PROM1: variants seen among roughly 807,000 people sequenced by gnomAD.
PROM1 encodes the protein prominin-1.
In PROM1, 105 loss-of-function variants were observed where a neutral mutation model predicts 116.9. That is an observed-to-expected ratio of 0.90 (90% CI 0.77 to 1.06). The LOEUF is 1.06. Ranked by LOEUF, PROM1 falls within the 50% of genes least tolerant of loss-of-function variation. PROM1 has a pLI of 0.00. For synonymous variants in PROM1, 393 were observed against 387.0 expected (o/e 1.02, Z -0.18); for missense variants, 1,122 against 1,045.2 (o/e 1.07, Z -1.01).
rs1239221004 is a variant in PROM1 at position 16,018,474 on chromosome 4, C to T, written c.851G>A (p.Ser284Asn). 2.5e-6 allele frequency: 4 copies of T among 1,613,330 alleles called. No individual in the cohort carries two copies. Among genetic ancestry groups the T allele is most frequent in the African/African-American group, 2.7e-5 (2 of 75,036 alleles). Residue 284 changes from serine (S) to asparagine (N), a missense_variant, in exon 9 of 28, where the codon AGT becomes AAT. Coordinates refer to ENST00000447510, the MANE Select transcript of PROM1 (RefSeq NM_006017.3). ...GGTCAGACTGCTGCTAAGCTGTGTA[C>T]TTTGTTGGTGCAAGCTCTTCAAGGT... ...NSTLKSLHQQ[S>N]TQLSSSLTSV...
chr4:16,044,513 T>C (rs893720116), intron 2 of PROM1, among the ~76,000 whole-genome samples: 2 of 152,196 alleles, frequency 1.3e-5, no homozygotes, highest in African/African-American at 4.8e-5. Context: ...TCTTTTGCCT[T>C]TGGTGGCCCC....
At chr4:16,024,494 C>T in intron 6 of PROM1, 136 bp from the exon 7 acceptor site, 1 of 678,858 alleles carries the variant, frequency 1.5e-6, no homozygotes, top group Non-Finnish European at 2.4e-6. Flanking sequence ...AGAAACCTTT[C>T]TGCTTTCTGA....
At chr4:16,062,866 T>C (rs1055306770) in intron 2 of PROM1, among the ~76,000 whole-genome samples, 1 of 152,216 alleles carries the variant, frequency 6.6e-6, no homozygotes, top group Non-Finnish European at 1.5e-5. Context: ...GCCCGTGATA[T>C]AATGTTAAGT....
intron 15 of PROM1, among the ~76,000 whole-genome samples, chr4:15,997,788 G>T (rs200981922): frequency 2.0e-5 from 3 of 152,250 alleles, no homozygotes; most frequent in African/African-American, 7.2e-5. Flanking sequence ...TTAAGAACAG[G>T]TATTGTTTAT....
intron 2 of PROM1, among the ~76,000 whole-genome samples, chr4:16,057,491 TCAC>T (rs1297632337): frequency 1.3e-5 from 2 of 152,214 alleles, no homozygotes; most frequent in African/African-American, 4.8e-5. Context: ...AACAGTCACA[TCAC>T]CACCTTCTGG....
chr4:16,045,890 G>A (rs1299953245), intron 2 of PROM1, among the ~76,000 whole-genome samples: 1 of 152,162 alleles, frequency 6.6e-6, no homozygotes, highest in Non-Finnish European at 1.5e-5. Context: ...TACAAAGCTT[G>A]GAGAGTCATC....
intron 2 of PROM1, among the ~76,000 whole-genome samples, chr4:16,059,594 C>T (rs1424241765): frequency 6.6e-6 from 1 of 152,074 alleles, no homozygotes. Context: ...GTTCCAGCTA[C>T]TGGAGAGGCT....
chr4:16,010,440 A>C (rs1487977957), intron 11 of PROM1, among the ~76,000 whole-genome samples: 3 of 152,246 alleles, frequency 2.0e-5, no homozygotes, highest in African/African-American at 7.2e-5. Context: ...GCTCCCGGTG[A>C]ACTTCAGGTA....
intron 8 of PROM1, among the ~76,000 whole-genome samples, chr4:16,019,701 T>C (rs1235057983): frequency 2.6e-5 from 4 of 152,224 alleles, no homozygotes; most frequent in African/African-American, 7.2e-5. Flanking sequence ...GCTCTTCTTC[T>C]AAGCAAATAA....
chr4:15,982,503 G>A (rs1235975940), intron 23 of PROM1, among the ~76,000 whole-genome samples: 1 of 152,140 alleles, frequency 6.6e-6, no homozygotes, highest in African/African-American at 2.4e-5. Context: ...ATGTTAGCTA[G>A]CCCACAGTCT....
At chr4:16,044,208 T>C (rs1362302920) in intron 2 of PROM1, among the ~76,000 whole-genome samples, 2 of 152,268 alleles carry the variant, frequency 1.3e-5, no homozygotes, top group Non-Finnish European at 2.9e-5. Context: ...TTGACTAAGA[T>C]ATTTCTGTTC....
chr4:16,017,523 A>G (rs1230303026), intron 9 of PROM1, among the ~76,000 whole-genome samples: 1 of 152,258 alleles, frequency 6.6e-6, no homozygotes, highest in East Asian at 1.9e-4. Flanking sequence ...ATGTTATTTT[A>G]TATAAAATGT....
At chr4:16,078,978 G>C (rs890919644) in intron 1 of PROM1, among the ~76,000 whole-genome samples, 4 of 152,120 alleles carry the variant, frequency 2.6e-5, no homozygotes, top group African/African-American at 9.7e-5. Context: ...CCACGCTTCA[G>C]GTTACGCCCA....
chr4:16,056,346 A>C (rs1189948943), intron 2 of PROM1, among the ~76,000 whole-genome samples: 1 of 152,106 alleles, frequency 6.6e-6, no homozygotes, highest in Non-Finnish European at 1.5e-5. Context: ...CAAAGGGAAG[A>C]GGAGGGGGCC....
chr4:16,075,209 A>G (rs1316822482), intron 2 of PROM1, among the ~76,000 whole-genome samples: 1 of 152,240 alleles, frequency 6.6e-6, no homozygotes, highest in Non-Finnish European at 1.5e-5. Flanking sequence ...CAGCTGATCA[A>G]GTAAACATGT....
At position 15,968,955 on chromosome 4, in the gene PROM1, G is replaced by A. The variant is rs528924748; in HGVS notation, c.*438C>T. On this transcript the variant is annotated 3_prime_UTR_variant, in exon 28 of 28. Coordinates refer to ENST00000447510, the MANE Select transcript of PROM1 (RefSeq NM_006017.3). ...TGTGGTAACAAAAGGTATATACACC[G>A]TTTACTGTACACAAAATGCATCTTT... 12 of 152,220 alleles carry A rather than the reference G, an allele frequency of 7.9e-5. No individual in the cohort carries two copies. Among genetic ancestry groups the A allele is most frequent in the East Asian group, 1.9e-4 (1 of 5,184 alleles). 9.4% of individuals were successfully genotyped at this position (152,220 alleles called of 1,614,324 possible). A position where few individuals can be genotyped will look rare whatever the true frequency, so the allele number is the denominator to read the frequency against.
intron 1 of PROM1, among the ~76,000 whole-genome samples, chr4:16,077,272 AC>A (rs1744169347): frequency 6.6e-6 from 1 of 152,216 alleles, no homozygotes; most frequent in African/African-American, 2.4e-5. Context: ...CATGCGGGCA[AC>A]AATGCTGCTC....
At chr4:16,059,607 G>T (rs1244544044) in intron 2 of PROM1, among the ~76,000 whole-genome samples, 1 of 152,100 alleles carries the variant, frequency 6.6e-6, no homozygotes, top group Non-Finnish European at 1.5e-5. Context: ...GAGAGGCTAA[G>T]GTGGGAGGAT....
At position 16,075,724 on chromosome 4, in the gene PROM1, G is replaced by T. The variant is rs1438872226; in HGVS notation, c.183C>A (p.Ile61=). ...PIGILFELVH[I]FLYVVQPRDF... ...CACGCGGCTGTACCACATAGAGAAA[G>T]ATATGCACTAGTTCAAAGAGAATGC... The change falls in exon 2 of 28, where the codon ATC becomes ATA. Residue 61 remains isoleucine, a synonymous_variant. Coordinates refer to ENST00000447510, the MANE Select transcript of PROM1 (RefSeq NM_006017.3). The T allele has an allele frequency of 6.2e-7, 1 of 1,613,536 alleles. No individual in the cohort carries two copies. The highest frequency in any genetic ancestry group is 8.5e-7 in the Non-Finnish European group (1 of 1,179,782).
Sources: allele counts gnomAD v4.1 joint callset (sites outside exome capture counted in the v4.1 genomes callset), GRCh38; gene constraint gnomAD v4.1.1; transcripts MANE v1.5; gene names NCBI Gene and HGNC (gene_info 2026-07-23, HGNC 2026-07-21).